Variants in SAMD4B observed in about 807,000 individuals in gnomAD.
SAMD4B encodes the protein protein Smaug homolog 2.
Under a neutral mutation model 74.5 loss-of-function variants are expected in SAMD4B, and 5 were observed. The ratio of observed to expected loss-of-function variants is 0.07; its 90% CI spans 0.04 to 0.14. The LOEUF is 0.14. SAMD4B is among the 10% of genes least tolerant of loss of function. The pLI, the probability that SAMD4B is intolerant of heterozygous loss-of-function variation, is 1.00. For synonymous variants in SAMD4B, 373 were observed against 374.9 expected, an observed-to-expected ratio of 1.00 and a Z score of 0.06; for missense variants, 608 against 921.8, an observed-to-expected ratio of 0.66 and a Z score of 4.41.
At chr19:39,353,844 T>C (rs2076193590) in intron 1 of SAMD4B, among the ~76,000 whole-genome samples, 162 bp from the exon 2 acceptor site, 6 of 152,134 alleles carry the variant, frequency 3.9e-5, no homozygotes, top group Admixed American at 3.9e-4. Context: ...TCAAGTGATC[T>C]GCCTGCCTCA....
chr19:39,355,342 A>G (rs796302989), intron 2 of SAMD4B, among the ~76,000 whole-genome samples: 3 of 152,286 alleles, frequency 2.0e-5, no homozygotes, highest in Admixed American at 6.5e-5. Flanking sequence ...GGGATTGGCA[A>G]CCAGGCCAGT....
chr19:39,390,254 G>T (rs770045189), downstream of SAMD4B: 18 of 1,613,620 alleles, frequency 1.1e-5, no homozygotes, highest in Non-Finnish European at 1.5e-5. Flanking sequence ...GCACAGTGGG[G>T]CTCACCTCTC....
At chr19:39,368,609 T>C (rs757638821) in intron 3 of SAMD4B, among the ~76,000 whole-genome samples, 4 of 152,196 alleles carry the variant, frequency 2.6e-5, no homozygotes, top group Non-Finnish European at 4.4e-5. Context: ...TATAAACTCC[T>C]GGTCAGGAAC....
At chr19:39,364,732 C>G (rs1264113460) in intron 3 of SAMD4B, among the ~76,000 whole-genome samples, 1 of 152,162 alleles carries the variant, frequency 6.6e-6, no homozygotes, top group Non-Finnish European at 1.5e-5. Context: ...GACAAAAGTT[C>G]TGTGACTTCA....
intron 4 of SAMD4B, among the ~76,000 whole-genome samples, chr19:39,370,411 T>G (rs2077219263): frequency 6.6e-6 from 1 of 152,206 alleles, no homozygotes; most frequent in Admixed American, 6.5e-5. Flanking sequence ...AAAATGAGAT[T>G]TCCAGCCTTT....
At chr19:39,355,553 G>A (rs2076297630) in intron 2 of SAMD4B, among the ~76,000 whole-genome samples, 1 of 152,130 alleles carries the variant, frequency 6.6e-6, no homozygotes, top group South Asian at 2.1e-4. Context: ...CAGCCAGAGG[G>A]GGATGGAGCT....
chr19:39,369,606 G>T, intron 3 of SAMD4B, 49 bp from the exon 4 acceptor site: 1 of 1,504,088 alleles, frequency 6.6e-7, no homozygotes, highest in South Asian at 1.2e-5. Context: ...AGGTGAATAG[G>T]AGTACCCCAC....
chr19:39,353,728 A>G (rs562169511), intron 1 of SAMD4B, among the ~76,000 whole-genome samples: 12 of 152,174 alleles, frequency 7.9e-5, no homozygotes, highest in Non-Finnish European at 1.6e-4. Context: ...CAGCTTCCCA[A>G]GTAGCTCGGA....
chr19:39,380,827 G>A, intron 11 of SAMD4B, 42 bp downstream of exon 11: 2 of 1,510,682 alleles, frequency 1.3e-6, no homozygotes, highest in Non-Finnish European at 1.8e-6. Flanking sequence ...CTGGGGTTGG[G>A]GTGGCAGTAC....
At chr19:39,386,875 T>C, downstream of SAMD4B, 1 of 974,400 alleles carries the variant, frequency 1.0e-6, no homozygotes, top group Non-Finnish European at 1.7e-6. This position sits in a 1 kb window ranked among gnomAD's most constrained non-coding sequence, Gnocchi z 6.1. Context: ...CGCCCCCCAG[T>C]GAGGGGTCTG....
chr19:39,378,653 A>T lies in SAMD4B; in HGVS notation c.1530+64A>T. ...GCCAGGCGTGGTGGTTCACGCCTGTAGTCCCAGCACTTCGGCCACCGAGGC... is the reference window on the plus strand; with the variant it reads ...GCCAGGCGTGGTGGTTCACGCCTGTTGTCCCAGCACTTCGGCCACCGAGGC... On this transcript the variant is annotated intron_variant, in intron 9 of 13. Coordinates refer to ENST00000610417, the MANE Select transcript of SAMD4B (RefSeq NM_001384574.2). This position sits in a 1 kb window ranked among gnomAD's most constrained non-coding sequence, Gnocchi z 4.4. The T allele has an allele frequency of 1.4e-6, 2 of 1,425,388 alleles. No individual in the cohort carries two copies. Among genetic ancestry groups the T allele is most frequent in the Non-Finnish European group, 2.0e-6 (2 of 1,013,472 alleles). 88.3% of individuals were successfully genotyped at this position (1,425,388 alleles called of 1,614,324 possible).
In SAMD4B at chr19:39,369,923, T is replaced by C; in HGVS notation, c.465T>C (p.Ala155=). The change falls in exon 4 of 14, where the codon GCT becomes GCC. Residue 155 remains alanine, a synonymous_variant. Coordinates refer to ENST00000610417, the MANE Select transcript of SAMD4B (RefSeq NM_001384574.2). The part of the protein sequence containing the change: ...LWLSHLEERL[A]SGFRSRPEPS... ...TGAGCCACCTGGAAGAGCGGTTGGC[T>C]AGTGGCTTCCGCTCCCGGCCAGAGC... The C allele has an allele frequency of 6.2e-7, 1 of 1,614,092 alleles. No homozygotes were observed. Among genetic ancestry groups the C allele is most frequent in the Non-Finnish European group, 8.5e-7 (1 of 1,180,016 alleles).
chr19:39,378,484 C>T lies in SAMD4B; in HGVS notation c.1445-20C>T. The T allele has an allele frequency of 3.1e-6, 5 of 1,612,200 alleles. 1 individual carries two copies. In the South Asian group the frequency reaches 5.5e-5, roughly 18 times the overall value. On this transcript the variant is annotated intron_variant, in intron 8 of 13. Transcript: ENST00000610417. The surrounding 1 kb of genome is among the most constrained non-coding windows in gnomAD (Gnocchi z 4.4). The stretch of plus-strand genomic sequence containing the variant: ...GGCATACTAGGGGTTAACCTCCTGC[C>T]CTTTCTCATGTCCCCCCAGTGTGCA...
intron 3 of SAMD4B, among the ~76,000 whole-genome samples, chr19:39,364,650 A>C (rs772350189): frequency 6.6e-6 from 1 of 152,184 alleles, no homozygotes; most frequent in Non-Finnish European, 1.5e-5. Flanking sequence ...TACAGGACTA[A>C]GTTATCAAAC....
intron 3 of SAMD4B, among the ~76,000 whole-genome samples, chr19:39,362,995 A>G (rs1415009300): frequency 6.6e-6 from 1 of 151,996 alleles, no homozygotes; most frequent in Non-Finnish European, 1.5e-5. Context: ...CCCTGTGTCC[A>G]TGTGAGCAGG....
At chr19:39,386,746 G>A, downstream of SAMD4B, 1 of 1,614,148 alleles carries the variant, frequency 6.2e-7, no homozygotes, top group Non-Finnish European at 8.5e-7. This position sits in a 1 kb window ranked among gnomAD's most constrained non-coding sequence, Gnocchi z 6.1. Flanking sequence ...CACAAGCAGG[G>A]CGTTGGTGCC....
chr19:39,387,515 G>C (rs1568373243), downstream of SAMD4B, among the ~76,000 whole-genome samples: 2 of 152,174 alleles, frequency 1.3e-5, no homozygotes, highest in East Asian at 1.9e-4. Flanking sequence ...CAGAACTCCA[G>C]GTCACTCAGA....
intron 2 of SAMD4B, among the ~76,000 whole-genome samples, chr19:39,354,605 C>G (rs200807990): frequency 6.6e-6 from 1 of 151,988 alleles, no homozygotes; most frequent in Non-Finnish European, 1.5e-5. Flanking sequence ...TAGAGAGAAA[C>G]AAATAAGATG....
downstream of SAMD4B, chr19:39,389,031 C>T (rs772366133): frequency 2.5e-6 from 4 of 1,614,018 alleles, no homozygotes; most frequent in Non-Finnish European, 3.4e-6. The surrounding 1 kb of genome is among the most constrained non-coding windows in gnomAD (Gnocchi z 5.3). Context: ...GGAACAAAAA[C>T]AAGGTGAGGA....
Sources: allele counts gnomAD v4.1 joint callset (sites outside exome capture counted in the v4.1 genomes callset), GRCh38; gene constraint gnomAD v4.1.1; non-coding constraint Gnocchi (gnomAD v3.1); transcripts MANE v1.5; gene names NCBI Gene and HGNC (gene_info 2026-07-23, HGNC 2026-07-21).